Variants in OSBPL10 observed in about 807,000 individuals in gnomAD.
The protein encoded by OSBPL10 is oxysterol-binding protein-related protein 10.
Under a neutral mutation model 81.7 loss-of-function variants are expected in OSBPL10, and 49 were observed. The ratio of observed to expected loss-of-function variants is 0.60; its 90% CI spans 0.48 to 0.76. The LOEUF (loss-of-function observed/expected upper bound fraction) is 0.76, where lower values mean the gene tolerates loss of function less well. Among genes scored for constraint, OSBPL10 ranks in the 30% least tolerant of loss-of-function variants. The probability of loss-of-function intolerance (pLI) is 0.00; values close to 1 mark genes in which losing one functional copy is unlikely to be tolerated. For synonymous variants in OSBPL10, 419 were observed against 383.6 expected (o/e 1.09, Z -1.08); for missense variants, 923 against 987.8 (o/e 0.93, Z 0.88).
At chr3:31,911,852 G>T (rs975751658) in intron 1 of OSBPL10, among the ~76,000 whole-genome samples, 4 of 152,054 alleles carry the variant, frequency 2.6e-5, no homozygotes, top group African/African-American at 7.2e-5. Context: ...AGGTCAACTT[G>T]GGTTGGCAAG....
At chr3:31,946,557 A>C (rs1015341495) in intron 1 of OSBPL10, among the ~76,000 whole-genome samples, 1 of 152,354 alleles carries the variant, frequency 6.6e-6, no homozygotes, top group East Asian at 1.9e-4. Flanking sequence ...GATGGCGGAC[A>C]GCGTGTGAAC....
At chr3:31,859,163 G>GTTTTT (rs948517574) in intron 3 of OSBPL10, among the ~76,000 whole-genome samples, 1 of 151,608 alleles carries the variant, frequency 6.6e-6, no homozygotes, top group African/African-American at 2.4e-5. Context: ...CAGAAACCAG[G>GTTTTT]TTTTTTTTTT....
intron 1 of OSBPL10, among the ~76,000 whole-genome samples, chr3:31,931,315 T>C (rs1021601550): frequency 6.6e-6 from 1 of 152,156 alleles, no homozygotes; most frequent in Admixed American, 6.5e-5. Context: ...CAACCACTTA[T>C]TAAATTCTGA....
At chr3:31,714,194 C>T (rs1402456801) in intron 6 of OSBPL10, 1 of 152,358 alleles carries the variant, frequency 6.6e-6, no homozygotes, top group African/African-American at 2.4e-5. Flanking sequence ...GTGGTAGTGA[C>T]ATGTTTGACA....
At chr3:31,977,106 T>C (rs977135807) in intron 1 of OSBPL10, among the ~76,000 whole-genome samples, 7 of 152,240 alleles carry the variant, frequency 4.6e-5, no homozygotes, top group African/African-American at 1.7e-4. Context: ...AACAGAACTC[T>C]TGGCCAAGCC....
intron 1 of OSBPL10, among the ~76,000 whole-genome samples, chr3:31,904,053 C>CCCT (rs1239835439): frequency 6.6e-6 from 1 of 152,108 alleles, no homozygotes; most frequent in African/African-American, 2.4e-5. Context: ...AATACTACCG[C>CCCT]CCTAAAAGTT....
At chr3:32,056,758 A>T (rs1199646670) in intron 1 of OSBPL10, among the ~76,000 whole-genome samples, 1 of 152,230 alleles carries the variant, frequency 6.6e-6, no homozygotes, top group Non-Finnish European at 1.5e-5. Context: ...CGTTTGAACC[A>T]GAGCAACTCC....
At chr3:31,960,741 A>G (rs1698136462) in intron 1 of OSBPL10, among the ~76,000 whole-genome samples, 1 of 152,108 alleles carries the variant, frequency 6.6e-6, no homozygotes, top group South Asian at 2.1e-4. Context: ...TGTGCAACCC[A>G]CTTCTCCCTC....
intron 4 of OSBPL10, among the ~76,000 whole-genome samples, chr3:31,825,424 C>T (rs1483602967): frequency 2.0e-5 from 3 of 152,280 alleles, no homozygotes; most frequent in Non-Finnish European, 4.4e-5. Flanking sequence ...TGGGCTCAAG[C>T]AATCCTCCCA....
At chr3:32,041,554 G>C (rs570040364) in intron 2 of OSBPL10, among the ~76,000 whole-genome samples, 211 of 152,294 alleles carry the variant, frequency 1.4e-3, no homozygotes, top group African/African-American at 5.1e-3. Flanking sequence ...TCCATAGTCC[G>C]TATCACTTCT....
intron 2 of OSBPL10, chr3:31,990,158 A>G (rs1559544352): frequency 4.3e-6 from 7 of 1,611,808 alleles, no homozygotes; most frequent in Non-Finnish European, 5.9e-6. Flanking sequence ...CTCACACAAC[A>G]CACTAGAATT....
intron 6 of OSBPL10, among the ~76,000 whole-genome samples, chr3:31,730,860 T>C (rs1324943498): frequency 1.3e-5 from 2 of 152,166 alleles, no homozygotes; most frequent in Non-Finnish European, 2.9e-5. Context: ...CAGAAGACAA[T>C]AGTTAATTTA....
chr3:31,971,734 A>G (rs1698571958), intron 1 of OSBPL10, among the ~76,000 whole-genome samples: 1 of 149,120 alleles, frequency 6.7e-6, no homozygotes, highest in African/African-American at 2.5e-5. Flanking sequence ...TACATCTCAC[A>G]GGCTATATCA....
At chr3:31,819,716 C>T (rs567616904) in intron 4 of OSBPL10, among the ~76,000 whole-genome samples, 3 of 152,216 alleles carry the variant, frequency 2.0e-5, no homozygotes, top group African/African-American at 7.2e-5. Flanking sequence ...ACTTCACACG[C>T]GTGTGACTTC....
intron 1 of OSBPL10, among the ~76,000 whole-genome samples, chr3:31,895,500 G>A (rs73824712): frequency 0.16 from 23,612 of 151,892 alleles, 2,188 homozygotes; most frequent in African/African-American, 0.27. Flanking sequence ...CAGAATCTCT[G>A]GGGATGAAAC....
intron 4 of OSBPL10, among the ~76,000 whole-genome samples, chr3:31,766,461 G>A (rs143518273): frequency 6.6e-6 from 1 of 151,542 alleles, no homozygotes; most frequent in Non-Finnish European, 1.5e-5. Flanking sequence ...TCTGAGCTCA[G>A]CTTCCCAAGT....
chr3:31,725,548 C>T (rs930059349), intron 6 of OSBPL10, among the ~76,000 whole-genome samples: 7 of 152,092 alleles, frequency 4.6e-5, no homozygotes, highest in Admixed American at 6.5e-5. Context: ...GACCCTCACA[C>T]AAAATAATTC....
chr3:32,030,520 G>A (rs1214782928), intron 2 of OSBPL10: 5 of 733,918 alleles, frequency 6.8e-6, no homozygotes, highest in Middle Eastern at 3.7e-4. Context: ...CCTAAAATGC[G>A]TGAAGGAAAA....
intron 4 of OSBPL10, among the ~76,000 whole-genome samples, chr3:31,780,030 C>T (rs763599519): frequency 2.4e-4 from 37 of 152,298 alleles, no homozygotes; most frequent in African/African-American, 8.4e-4. Flanking sequence ...TGGTGGCTCA[C>T]GCCTGTAATC....
Sources: allele counts gnomAD v4.1 joint callset (sites outside exome capture counted in the v4.1 genomes callset), GRCh38; gene constraint gnomAD v4.1.1; transcripts MANE v1.5; gene names NCBI Gene and HGNC (gene_info 2026-07-23, HGNC 2026-07-21).